USP43: variants seen among roughly 807,000 people sequenced by gnomAD.
USP43 encodes the protein ubiquitin specific peptidase 43.
A neutral mutation model predicts 90.7 loss-of-function variants in USP43; 33 were observed. That is an observed-to-expected ratio of 0.36 (90% CI 0.28 to 0.49). The LOEUF (loss-of-function observed/expected upper bound fraction) is 0.49, where lower values mean the gene tolerates loss of function less well. Among genes scored for constraint, USP43 ranks in the 20% least tolerant of loss-of-function variants. USP43 has a pLI of 0.98. For synonymous variants in USP43, 598 were observed against 615.8 expected (o/e 0.97, Z 0.43); for missense variants, 1,274 against 1,476.4 (o/e 0.86, Z 2.25).
intron 5 of USP43, 54 bp from the exon 6 acceptor site, chr17:9,680,177 T>C (rs879175073): frequency 6.3e-7 from 1 of 1,593,006 alleles, no homozygotes; most frequent in Non-Finnish European, 8.6e-7. Context: ...AGATTTCTTA[T>C]CTGTTGATTT....
chr17:9,645,751 GC>G lies in USP43; in HGVS notation c.123del (p.Asp43ThrfsTer61). 1.4e-6 allele frequency: 2 copies of G among 1,388,174 alleles called. No homozygotes were observed. The highest frequency in any genetic ancestry group is 9.3e-7 in the Non-Finnish European group (1 of 1,077,038). The allele number at this position is 1,388,174 out of a possible 1,614,324, so 86.0% of individuals were successfully genotyped here. A position where few individuals can be genotyped will look rare whatever the true frequency, so the allele number is the denominator to read the frequency against. Reference sequence around the variant, plus strand: ...CTGCTGGCGCTGGGCAGCCGCTCACGCCCCGGGGACTCACCGCCCCGGCCCC... The same window carrying G: ...CTGCTGGCGCTGGGCAGCCGCTCACGCCCGGGGACTCACCGCCCCGGCCCC... ...RFLLALGSRSRPGDSPPRPQP... is the reference protein window; with the variant it reads ...RFLLALGSRSXPGDSPPRPQP... On this transcript the variant is annotated frameshift_variant, in exon 1 of 15. Coordinates refer to ENST00000285199, the MANE Select transcript of USP43 (RefSeq NM_153210.5). LOFTEE classifies it high-confidence loss of function. The surrounding 1 kb of genome is among the most constrained non-coding windows in gnomAD (Gnocchi z 6.8).
chr17:9,654,831 G>A (rs990773917), intron 1 of USP43, among the ~76,000 whole-genome samples: 3 of 151,480 alleles, frequency 2.0e-5, no homozygotes, highest in Admixed American at 6.6e-5. Context: ...TCTACCTCCC[G>A]GGTTCAAGCG....
chr17:9,647,846 TCCAAAA>T (rs1462827742), intron 1 of USP43, among the ~76,000 whole-genome samples: 29 of 37,450 alleles, frequency 7.7e-4, no homozygotes, highest in African/African-American at 2.1e-3. Flanking sequence ...TTACTAAAAA[TCCAAAA>T]AAAAAAAAAA....
Position 9,701,096 on chromosome 17 carries a change from C to T in USP43, c.1536-23C>T. The T allele has an allele frequency of 1.4e-6, 2 of 1,449,618 alleles. No individual in the cohort carries two copies. The highest frequency in any genetic ancestry group is 3.7e-4 in the Middle Eastern group (2 of 5,406). The allele number at this position is 1,449,618 out of a possible 1,614,324, so 89.8% of individuals were successfully genotyped here. ...TCTGGGAGCAGGAAAGTCCTGAACGCCGTGGGTGTCCTCTCCGTGCAGCCT... is the reference window on the plus strand; with the variant it reads ...TCTGGGAGCAGGAAAGTCCTGAACGTCGTGGGTGTCCTCTCCGTGCAGCCT... On this transcript the variant is annotated intron_variant, in intron 10 of 14. Transcript: ENST00000285199. The surrounding 1 kb of genome is among the most constrained non-coding windows in gnomAD (Gnocchi z 7.2).
intron 7 of USP43, among the ~76,000 whole-genome samples, chr17:9,685,099 A>G (rs1216721566): frequency 6.6e-6 from 1 of 152,192 alleles, no homozygotes; most frequent in Admixed American, 6.5e-5. Flanking sequence ...ACAGTACAGG[A>G]TGGATTAAGT....
chr17:9,676,875 A>G lies in USP43; in HGVS notation c.963A>G (p.Ala321=). The change falls in exon 5 of 15, where the codon GCA becomes GCG. Residue 321 remains alanine, a synonymous_variant. Transcript: ENST00000285199. ...KMVAEEGGVP[A]DEVILVELYP... is the part of the protein sequence containing the mutation. The stretch of plus-strand genomic sequence containing the variant: ...TTGCAGAGGAAGGAGGCGTCCCTGC[A>G]GATGAGGTGTGATAGAATTGCACTG... 1 of 1,613,652 alleles carries G rather than the reference A, an allele frequency of 6.2e-7. No individual in the cohort carries two copies. Among genetic ancestry groups the G allele is most frequent in the Non-Finnish European group, 8.5e-7 (1 of 1,179,710 alleles).
intron 12 of USP43, among the ~76,000 whole-genome samples, chr17:9,702,005 G>A (rs548415832): frequency 4.6e-5 from 7 of 152,320 alleles, no homozygotes; most frequent in South Asian, 2.1e-4. Flanking sequence ...CACCATGTGC[G>A]AGAGCAGAAG....
chr17:9,647,857 A>C (rs1161202526), intron 1 of USP43, among the ~76,000 whole-genome samples: 2 of 150,570 alleles, frequency 1.3e-5, no homozygotes, highest in Admixed American at 6.6e-5. Flanking sequence ...CCAAAAAAAA[A>C]AAAAAAAAAA....
rs992549175 is a variant in USP43, at chr17:9,709,513, C to T, written c.2012-443C>T. On this transcript the variant is annotated intron_variant, in intron 12 of 14. Coordinates refer to ENST00000285199, the MANE Select transcript of USP43 (RefSeq NM_153210.5). The surrounding 1 kb of genome is among the most constrained non-coding windows in gnomAD (Gnocchi z 5.0). Reference sequence around the variant, plus strand: ...GGTGGATCATCTTAGGTCAGGAGTTCGAGACCAGCCTGGTCAACATGGTGA... The same window carrying T: ...GGTGGATCATCTTAGGTCAGGAGTTTGAGACCAGCCTGGTCAACATGGTGA... Among the ~76,000 whole-genome samples, 7 of 151,930 alleles carry T rather than the reference C, an allele frequency of 4.6e-5. No homozygotes were observed. Among genetic ancestry groups the T allele is most frequent in the Admixed American group, 1.3e-4 (2 of 15,244 alleles).
At chr17:9,679,151 C>T (rs1913991502) in intron 5 of USP43, among the ~76,000 whole-genome samples, 1 of 152,144 alleles carries the variant, frequency 6.6e-6, no homozygotes, top group Admixed American at 6.5e-5. Flanking sequence ...TCCTACAACT[C>T]AAGTTTTCTC....
chr17:9,680,272 T>C lies in USP43; in HGVS notation c.1011T>C (p.Ser337=), dbSNP rs951954275. 3 of 1,613,872 alleles carry C rather than the reference T, an allele frequency of 1.9e-6. No homozygotes were observed. The highest frequency in any genetic ancestry group is 1.3e-5 in the African/African-American group (1 of 74,936). The change falls in exon 6 of 15, where the codon TCT becomes TCC. Residue 337 remains serine (S), a synonymous_variant. Coordinates refer to ENST00000285199, the MANE Select transcript of USP43 (RefSeq NM_153210.5). ...VELYPSGFQR[S]FFDEEDLNTI... ...TGTATCCCAGTGGATTCCAGCGGTC[T>C]TTCTTTGATGAAGAGGACCTGAATA...
Position 9,671,929 on chromosome 17 carries a change from A to G in USP43, c.741-2962A>G, listed in dbSNP as rs556949723. Among the ~76,000 whole-genome samples the G allele has an allele frequency of 2.6e-5, 4 of 152,296 alleles. No homozygotes were observed. The East Asian group carries it at 7.7e-4, about 29-fold the overall frequency. On this transcript the variant is annotated intron_variant, in intron 3 of 14. Coordinates refer to ENST00000285199, the MANE Select transcript of USP43 (RefSeq NM_153210.5). Reference sequence around the variant, plus strand: ...GTCTGTCCTGATTTCTGAACCTTTGACACGTGGATGTATTTGACATCTTTC... The same window carrying G: ...GTCTGTCCTGATTTCTGAACCTTTGGCACGTGGATGTATTTGACATCTTTC...
At chr17:9,671,932 C>T (rs575341930) in intron 3 of USP43, among the ~76,000 whole-genome samples, 3 of 152,308 alleles carry the variant, frequency 2.0e-5, no homozygotes, top group East Asian at 1.9e-4. Flanking sequence ...ACCTTTGACA[C>T]GTGGATGTAT....
intron 7 of USP43, among the ~76,000 whole-genome samples, chr17:9,683,524 T>C (rs1914425365): frequency 1.3e-5 from 2 of 152,142 alleles, no homozygotes; most frequent in African/African-American, 2.4e-5. Flanking sequence ...ATTAAACTAT[T>C]ATTAATTAGC....
chr17:9,648,291 G>A (rs1231700612), intron 1 of USP43, among the ~76,000 whole-genome samples: 2 of 152,194 alleles, frequency 1.3e-5, no homozygotes, highest in East Asian at 1.9e-4. Context: ...TTGAAATCTA[G>A]GTGAGCTCTT....
At chr17:9,688,153 C>CT (rs1187395047) in intron 8 of USP43, among the ~76,000 whole-genome samples, 1 of 146,026 alleles carries the variant, frequency 6.8e-6, no homozygotes, top group Non-Finnish European at 1.5e-5. Flanking sequence ...GCCCAGCTAA[C>CT]TTTTTTGTAT....
At chr17:9,667,031 A>T (rs551620777) in intron 3 of USP43, among the ~76,000 whole-genome samples, 37 of 152,240 alleles carry the variant, frequency 2.4e-4, no homozygotes, top group African/African-American at 7.9e-4. Context: ...GTGAGCTGGG[A>T]TCTCACTAGC....
chr17:9,646,070 G>T lies in USP43; in HGVS notation c.438G>T (p.Gln146His), dbSNP rs1479552726. ...CGGGCCGCGCCGAGGTCACCGAGCA[G>T]CTGGCGGCGCTGGTGCGCGCGCTCT... Reference protein sequence around the residue: ...AAPGRAEVTEQLAALVRALWT... With the variant: ...AAPGRAEVTEHLAALVRALWT... Residue 146 changes from glutamine to histidine, a missense_variant, in exon 1 of 15, where the codon CAG becomes CAT. Physicochemically the swap from Gln to His is conservative, Grantham distance 24. Transcript: ENST00000285199. 43 of 1,507,582 alleles carry T rather than the reference G, an allele frequency of 2.9e-5. No homozygotes were observed. The highest frequency in any genetic ancestry group is 3.6e-5 in the Non-Finnish European group (41 of 1,128,814). The allele number at this position is 1,507,582 out of a possible 1,614,324, so 93.4% of individuals were successfully genotyped here.
At position 9,645,608 on chromosome 17, in the gene USP43, G is replaced by T. The variant is rs1371087463; in HGVS notation, c.-25G>T. On this transcript the variant is annotated 5_prime_UTR_variant, in exon 1 of 15. Transcript: ENST00000285199. This position sits in a 1 kb window ranked among gnomAD's most constrained non-coding sequence, Gnocchi z 6.8. ...TCCGCCTCGCGCCCGGGGGCTCCGC[G>T]CCTGGAGCTGCGCCGGCGGCAGCCA... The T allele has an allele frequency of 1.3e-5, 15 of 1,188,518 alleles. No homozygotes were observed. The highest frequency in any genetic ancestry group is 1.5e-5 in the Non-Finnish European group (14 of 960,658). 73.6% of individuals were successfully genotyped at this position (1,188,518 alleles called of 1,614,324 possible). A position where few individuals can be genotyped will look rare whatever the true frequency, so the allele number is the denominator to read the frequency against.
Sources: gnomAD v4.1 joint callset for allele counts (sites outside exome capture counted in the v4.1 genomes callset) on GRCh38, gnomAD v4.1.1 for gene constraint, Gnocchi (gnomAD v3.1) non-coding constraint, MANE v1.5 for transcripts, NCBI Gene and HGNC (gene_info 2026-07-23, HGNC 2026-07-21) for gene names.